GRM7: variants seen among roughly 807,000 people sequenced by gnomAD.
GRM7 encodes glutamate metabotropic receptor 7, also known as metabotropic glutamate receptor 7.
A neutral mutation model predicts 84.5 loss-of-function variants in GRM7; 35 were observed. The observed-to-expected ratio is 0.41, with a 90% CI of 0.32 to 0.55. The LOEUF (loss-of-function observed/expected upper bound fraction) is 0.55. GRM7 is among the 20% of genes least tolerant of loss of function. The pLI, the probability that GRM7 is intolerant of heterozygous loss-of-function variation, is 0.19. For synonymous variants in GRM7, 487 were observed against 455.1 expected, an observed-to-expected ratio of 1.07 and a Z score of -0.89; for missense variants, 1,003 against 1,194.6, an observed-to-expected ratio of 0.84 and a Z score of 2.36.
chr3:6,894,261 G>A (rs375074124), intron 1 of GRM7, among the ~76,000 whole-genome samples: 1 of 152,082 alleles, frequency 6.6e-6, no homozygotes, highest in Non-Finnish European at 1.5e-5. Flanking sequence ...CTAGGAAATT[G>A]ATATGACATT....
intron 7 of GRM7, among the ~76,000 whole-genome samples, chr3:7,541,149 C>T (rs893076194): frequency 6.6e-6 from 1 of 152,082 alleles, no homozygotes; most frequent in Admixed American, 6.6e-5. Context: ...TAGAGATCAA[C>T]CTTTATCATG....
intron 8 of GRM7, among the ~76,000 whole-genome samples, chr3:7,648,056 G>A (rs969383877): frequency 2.0e-5 from 3 of 152,034 alleles, no homozygotes; most frequent in Non-Finnish European, 1.5e-5. Context: ...TGCCCCCAGT[G>A]CTCAGTAGAG....
chr3:7,228,592 A>G (rs1169958336), intron 2 of GRM7, among the ~76,000 whole-genome samples: 1 of 152,208 alleles, frequency 6.6e-6, no homozygotes, highest in Non-Finnish European at 1.5e-5. Flanking sequence ...AGTCATGTTT[A>G]TATCCCGTGT....
At chr3:7,517,875 G>GGT (rs1321806853) in intron 7 of GRM7, among the ~76,000 whole-genome samples, 2 of 152,188 alleles carry the variant, frequency 1.3e-5, no homozygotes, top group African/African-American at 2.4e-5. Flanking sequence ...ATGTGACAGA[G>GGT]GTGGAATTTG....
intron 8 of GRM7, among the ~76,000 whole-genome samples, chr3:7,667,280 AAGAG>A (rs747820741): frequency 2.1e-3 from 307 of 148,888 alleles, no homozygotes; most frequent in Admixed American, 4.6e-3. Flanking sequence ...AAAAAAAAAA[AAGAG>A]AGAGAGAGAG....
chr3:7,136,909 C>T (rs960508544), intron 1 of GRM7, among the ~76,000 whole-genome samples: 1 of 152,086 alleles, frequency 6.6e-6, no homozygotes, highest in African/African-American at 2.4e-5. Context: ...AGAACTGTGG[C>T]ACTTGTTACC....
chr3:7,697,338 G>T (rs1290575739), intron 9 of GRM7, among the ~76,000 whole-genome samples: 1 of 151,876 alleles, frequency 6.6e-6, no homozygotes, highest in Non-Finnish European at 1.5e-5. Context: ...TATCTTCAGG[G>T]TATCTCACTG....
At chr3:7,089,850 A>ATTG (rs1486139797) in intron 1 of GRM7, among the ~76,000 whole-genome samples, 33 of 152,166 alleles carry the variant, frequency 2.2e-4, no homozygotes, top group African/African-American at 7.7e-4. Context: ...TATTATTATT[A>ATTG]TTGTTATTTT....
chr3:7,662,597 CAAT>C (rs1699515937), intron 8 of GRM7, among the ~76,000 whole-genome samples: 1 of 152,124 alleles, frequency 6.6e-6, no homozygotes, highest in Non-Finnish European at 1.5e-5. Context: ...TTAGGTGTGA[CAAT>C]GATACTGTGG....
At chr3:7,713,119 G>GTTTTTTTTTTTTTTTTTT (rs1553640882) in intron 9 of GRM7, among the ~76,000 whole-genome samples, 1 of 55,642 alleles carries the variant, frequency 1.8e-5, no homozygotes, top group Non-Finnish European at 3.6e-5. Flanking sequence ...TTCGAATTTT[G>GTTTTTTTTTTTTTTTTTT]TTTTGTTTTT....
chr3:7,672,783 T>A (rs1342888050), intron 8 of GRM7, among the ~76,000 whole-genome samples: 1 of 151,970 alleles, frequency 6.6e-6, no homozygotes, highest in African/African-American at 2.4e-5. Context: ...TTTTTTTGTA[T>A]TTTTTAGTAG....
intron 1 of GRM7, among the ~76,000 whole-genome samples, chr3:7,040,829 T>C (rs1313195366): frequency 6.6e-6 from 1 of 151,886 alleles, no homozygotes; most frequent in African/African-American, 2.4e-5. Flanking sequence ...ATGCCTGTAA[T>C]CCCAGCGCTT....
At chr3:6,908,841 A>T (rs1285847306) in intron 1 of GRM7, among the ~76,000 whole-genome samples, 4 of 152,124 alleles carry the variant, frequency 2.6e-5, no homozygotes, top group Non-Finnish European at 5.9e-5. Context: ...GAGATTAAAG[A>T]TATGTCTTGT....
chr3:7,467,045 G>T (rs1367270319), intron 7 of GRM7, among the ~76,000 whole-genome samples: 1 of 152,094 alleles, frequency 6.6e-6, no homozygotes, highest in Admixed American at 6.6e-5. Context: ...GACGTTATCT[G>T]CAGCCATTAG....
At chr3:7,018,616 T>C (rs1695660526) in intron 1 of GRM7, among the ~76,000 whole-genome samples, 1 of 152,158 alleles carries the variant, frequency 6.6e-6, no homozygotes, top group African/African-American at 2.4e-5. Context: ...GGGGAAGTGG[T>C]GCAGCCCCAA....
intron 7 of GRM7, among the ~76,000 whole-genome samples, chr3:7,521,411 C>A (rs1190348801): frequency 8.5e-5 from 13 of 152,086 alleles, no homozygotes; most frequent in Admixed American, 7.9e-4. Context: ...AAAGGCAAGC[C>A]CCTGTGAATG....
chr3:7,383,355 T>C (rs1206183785), intron 4 of GRM7, among the ~76,000 whole-genome samples: 2 of 152,092 alleles, frequency 1.3e-5, no homozygotes, highest in Non-Finnish European at 2.9e-5. Flanking sequence ...ATAATGAAAG[T>C]GGGGATGGAC....
At chr3:7,057,253 T>G (rs1170504337) in intron 1 of GRM7, among the ~76,000 whole-genome samples, 3 of 151,920 alleles carry the variant, frequency 2.0e-5, no homozygotes, top group Admixed American at 6.6e-5. Context: ...TTGGAGAAGT[T>G]CATTTAATTA....
rs77770071 is a variant in GRM7 at position 7,062,111 on chromosome 3, G to A, written c.520-84341G>A. 1.8e-4 allele frequency among the ~76,000 whole-genome samples: 27 copies of A among 151,584 alleles called. No homozygotes were observed. In the East Asian group the frequency reaches 5.1e-3, roughly 29 times the overall value. On this transcript the variant is annotated intron_variant, in intron 1 of 9. Transcript: ENST00000357716. ...AAGTAAGCCCACTCCGCTAGAAACT[G>A]TTAAAAAAATTTCAAGAAAAGAAAA...
Sources: allele counts gnomAD v4.1 joint callset (sites outside exome capture counted in the v4.1 genomes callset), GRCh38; gene constraint gnomAD v4.1.1; transcripts MANE v1.5; gene names NCBI Gene and HGNC (gene_info 2026-07-23, HGNC 2026-07-21).